PNPT1: variants seen among roughly 807,000 people sequenced by gnomAD.
The protein encoded by PNPT1 is polyribonucleotide nucleotidyltransferase 1, mitochondrial.
PNPT1 carries 53 observed loss-of-function variants against 119.5 expected under a neutral mutation model. The observed-to-expected ratio is 0.44, with a 90% CI of 0.36 to 0.56. The LOEUF is 0.56. Among genes scored for constraint, PNPT1 ranks in the 20% least tolerant of loss-of-function variants. The pLI, the probability that PNPT1 is intolerant of heterozygous loss-of-function variation, is 0.00. For synonymous variants in PNPT1, 357 were observed against 322.1 expected (o/e 1.11, Z -1.16); for missense variants, 948 against 938.5 (o/e 1.01, Z -0.13).
chr2:55,649,410 C>T (rs1299020152), intron 18 of PNPT1, among the ~76,000 whole-genome samples: 1 of 152,174 alleles, frequency 6.6e-6, no homozygotes, highest in Non-Finnish European at 1.5e-5. Context: ...CATTTCTTTC[C>T]TCATTTCCTA....
At chr2:55,650,602 C>T (rs542480219) in intron 18 of PNPT1, among the ~76,000 whole-genome samples, 2 of 151,900 alleles carry the variant, frequency 1.3e-5, no homozygotes, top group African/African-American at 4.8e-5. Context: ...TCCCGGCCGC[C>T]ATCCCATCTG....
rs142483642 is a variant in PNPT1 at position 55,638,394 on chromosome 2, G to A, written c.2149-795C>T. 8.1e-4 allele frequency among the ~76,000 whole-genome samples: 124 copies of A among 152,170 alleles called. No homozygotes were observed. In the East Asian group the frequency reaches 0.015, roughly 19 times the overall value. ...TATCCAAAACAGGCTGGGTACAGTG[G>A]CTCACACCTGTAGTCCCAGAACTTT... On this transcript the variant is annotated intron_variant, in intron 26 of 27. Transcript: ENST00000447944.
chr2:55,675,206 T>C (rs1697026544), intron 8 of PNPT1, among the ~76,000 whole-genome samples: 1 of 151,834 alleles, frequency 6.6e-6, no homozygotes, highest in Non-Finnish European at 1.5e-5. Flanking sequence ...AGTTTCAGGC[T>C]AGGCTACAGT....
At chr2:55,657,852 A>G (rs1301922593) in intron 15 of PNPT1, among the ~76,000 whole-genome samples, 3 of 108,694 alleles carry the variant, frequency 2.8e-5, no homozygotes. Context: ...CAATAGATAG[A>G]CTGCAAAAAA....
intron 1 of PNPT1, 148 bp downstream of exon 1, chr2:55,693,515 C>G: frequency 8.4e-7 from 1 of 1,188,554 alleles, no homozygotes; most frequent in Admixed American, 2.7e-5. Flanking sequence ...ATTCCAAACC[C>G]GGAAAGGGAA....
At chr2:55,688,511 G>C (rs894198286) in intron 1 of PNPT1, among the ~76,000 whole-genome samples, 1 of 152,178 alleles carries the variant, frequency 6.6e-6, no homozygotes, top group South Asian at 2.1e-4. Flanking sequence ...GATCACCCGA[G>C]GTCAGGAGTT....
rs1572809431 is a variant in PNPT1 at position 55,656,434 on chromosome 2, T to C, written c.1285-63A>G. 7.0e-6 allele frequency: 10 copies of C among 1,424,000 alleles called. No homozygotes were observed. The Admixed American group carries it at 2.3e-4, about 33-fold the overall frequency. The allele number at this position is 1,424,000 out of a possible 1,614,324, so 88.2% of individuals were successfully genotyped here. ...GACATAGAAAGATGTCCAAGTTATA[T>C]TACCAAAATAATAAAACAACTTATA... On this transcript the variant is annotated intron_variant, in intron 15 of 27. Coordinates refer to ENST00000447944, the MANE Select transcript of PNPT1 (RefSeq NM_033109.5).
At chr2:55,648,704 A>G (rs1696080440) in intron 18 of PNPT1, among the ~76,000 whole-genome samples, 1 of 152,156 alleles carries the variant, frequency 6.6e-6, no homozygotes, top group African/African-American at 2.4e-5. Context: ...CAATATGGAC[A>G]GAGCTTTATT....
At position 55,687,676 on chromosome 2, in the gene PNPT1, G is replaced by T; in HGVS notation, c.191C>A (p.Ala64Asp). The change falls in exon 2 of 28, where the codon GCC becomes GAC. Residue 64 changes from alanine (A) to aspartate (D), a missense_variant. Ala to Asp is a moderately radical substitution (Grantham distance 126). Coordinates refer to ENST00000447944, the MANE Select transcript of PNPT1 (RefSeq NM_033109.5). ...RKLEISSGKL[A>D]RFADGSAVVQ... ...TACAGCAGAGCCATCTGCAAATCTG[G>T]CCAGCTTTCCAGAAGATATTTCTAA... 6.3e-7 allele frequency: 1 copy of T among 1,598,802 alleles called. No homozygotes were observed. Among genetic ancestry groups the T allele is most frequent in the Non-Finnish European group, 8.5e-7 (1 of 1,174,856 alleles).
chr2:55,636,079 A>C lies in PNPT1; in HGVS notation c.*158T>G, dbSNP rs1171514326. 4.8e-6 allele frequency: 2 copies of C among 420,084 alleles called. No individual in the cohort carries two copies. The highest frequency in any genetic ancestry group is 4.1e-5 in the African/African-American group (2 of 48,942). 26.0% of individuals were successfully genotyped at this position (420,084 alleles called of 1,614,324 possible). A position where few individuals can be genotyped will look rare whatever the true frequency, so the allele number is the denominator to read the frequency against. Reference sequence around the variant, plus strand: ...AAACAAATATGGGTTACTCGAATTAAAAAAATGGCACATGTAAATGAGCAT... The same window carrying C: ...AAACAAATATGGGTTACTCGAATTACAAAAATGGCACATGTAAATGAGCAT... On this transcript the variant is annotated 3_prime_UTR_variant, in exon 28 of 28. Transcript: ENST00000447944.
At chr2:55,651,514 T>G (rs1298073124) in intron 18 of PNPT1, among the ~76,000 whole-genome samples, 1 of 152,172 alleles carries the variant, frequency 6.6e-6, no homozygotes, top group Non-Finnish European at 1.5e-5. Flanking sequence ...CTGTGTCCAC[T>G]CAGGGTTGAA....
rs558068456 is a variant in PNPT1, at chr2:55,693,646, C to T, written c.161+17G>A. ...AGACACCTTATGACAATACAGTGAACGCACGTCACTCCTTACCTGTTGCCT... is the reference window on the plus strand; with the variant it reads ...AGACACCTTATGACAATACAGTGAATGCACGTCACTCCTTACCTGTTGCCT... On this transcript the variant is annotated intron_variant, in intron 1 of 27. Coordinates refer to ENST00000447944, the MANE Select transcript of PNPT1 (RefSeq NM_033109.5). 1.2e-6 allele frequency: 2 copies of T among 1,613,638 alleles called. No individual in the cohort carries two copies. Among genetic ancestry groups the T allele is most frequent in the Non-Finnish European group, 8.5e-7 (1 of 1,179,638 alleles).
At chr2:55,642,469 C>T (rs576732969) in intron 25 of PNPT1, among the ~76,000 whole-genome samples, 9 of 151,754 alleles carry the variant, frequency 5.9e-5, no homozygotes, top group South Asian at 2.1e-4. Context: ...ATTAGCTAGG[C>T]GTGGTGGCGG....
intron 18 of PNPT1, among the ~76,000 whole-genome samples, chr2:55,652,292 A>C (rs1696235571): frequency 1.3e-5 from 2 of 152,248 alleles, no homozygotes; most frequent in Non-Finnish European, 2.9e-5. Flanking sequence ...ATTCAAATTC[A>C]TATTTGAATT....
At chr2:55,646,199 C>G in intron 21 of PNPT1, 60 bp downstream of exon 21, 3 of 1,454,234 alleles carry the variant, frequency 2.1e-6, no homozygotes, top group Non-Finnish European at 2.9e-6. Flanking sequence ...CTAATGAGAA[C>G]TATAGTTCCC....
intron 8 of PNPT1, among the ~76,000 whole-genome samples, chr2:55,679,410 T>C (rs1280318759): frequency 6.6e-6 from 1 of 152,186 alleles, no homozygotes; most frequent in Non-Finnish European, 1.5e-5. Context: ...TAAAAATTAG[T>C]CATAATTTTA....
At chr2:55,668,760 TG>T (rs1204026137) in intron 11 of PNPT1, among the ~76,000 whole-genome samples, 1 of 152,104 alleles carries the variant, frequency 6.6e-6, no homozygotes, top group Non-Finnish European at 1.5e-5. Flanking sequence ...CCAACACACC[TG>T]GCTAATTTGT....
At chr2:55,638,924 G>A (rs1171426797) in intron 26 of PNPT1, among the ~76,000 whole-genome samples, 6 of 151,990 alleles carry the variant, frequency 3.9e-5, no homozygotes, top group Middle Eastern at 3.4e-3. Context: ...ACAGGTGCAC[G>A]CCATCATGCC....
At chr2:55,651,018 C>T in intron 18 of PNPT1, among the ~76,000 whole-genome samples, 2 of 147,566 alleles carry the variant, frequency 1.4e-5, no homozygotes, top group African/African-American at 5.0e-5. Context: ...GCCGCCCCTA[C>T]TGGGAAGTGA....
Sources: gnomAD v4.1 joint callset for allele counts (sites outside exome capture counted in the v4.1 genomes callset) on GRCh38, gnomAD v4.1.1 for gene constraint, MANE v1.5 for transcripts, NCBI Gene and HGNC (gene_info 2026-07-23, HGNC 2026-07-21) for gene names.